Variants in EPHB2 observed in about 807,000 individuals in gnomAD.
The protein encoded by EPHB2 is ephrin type-B receptor 2.
In EPHB2, 18 loss-of-function variants were observed where a neutral mutation model predicts 96.4. The observed-to-expected ratio is 0.19, with a 90% CI of 0.13 to 0.28. EPHB2 has a LOEUF of 0.28. EPHB2 is among the 10% of genes least tolerant of loss of function. The pLI is 1.00. For synonymous variants in EPHB2, 506 were observed against 534.1 expected (o/e 0.95, Z 0.72); for missense variants, 989 against 1,355.4 (o/e 0.73, Z 4.25).
chr1:22,796,616 G>A (rs1018886291), intron 3 of EPHB2, among the ~76,000 whole-genome samples: 1 of 152,252 alleles, frequency 6.6e-6, no homozygotes, highest in East Asian at 1.9e-4. Flanking sequence ...CTTCACAGCT[G>A]TAAAAACTGA....
intron 3 of EPHB2, among the ~76,000 whole-genome samples, chr1:22,802,920 G>C (rs2148449978): frequency 6.6e-6 from 1 of 152,266 alleles, no homozygotes; most frequent in Middle Eastern, 3.4e-3. Context: ...CAGAGACAAG[G>C]AGCCCCTGGT....
chr1:22,831,353 TC>T (rs765680859), intron 3 of EPHB2, among the ~76,000 whole-genome samples: 2 of 151,830 alleles, frequency 1.3e-5, no homozygotes, highest in South Asian at 4.2e-4. Context: ...CCTTGCTACC[TC>T]CCCCCTTAGC....
chr1:22,913,757 A>T lies in EPHB2; in HGVS notation c.*187A>T, dbSNP rs76826147. On this transcript the variant is annotated 3_prime_UTR_variant, in exon 16 of 16. Transcript: ENST00000374630. The surrounding 1 kb of genome is among the most constrained non-coding windows in gnomAD (Gnocchi z 4.1). The stretch of plus-strand genomic sequence containing the variant: ...AACATGCAACTCAAACGACGGAAAA[A>T]AAAAGGGAATGGGAAAAAAGAAAAC... 3,478 of 1,606,538 alleles carry T rather than the reference A, an allele frequency of 2.2e-3. 72 individuals are homozygous for T. The African/African-American group carries it at 0.039, about 18-fold the overall frequency.
intron 5 of EPHB2, among the ~76,000 whole-genome samples, chr1:22,873,271 C>T (rs1557727069): frequency 1.3e-5 from 2 of 152,128 alleles, no homozygotes; most frequent in African/African-American, 2.4e-5. Flanking sequence ...GGTTTTGTCA[C>T]GTTTGGGGGT....
chr1:22,878,046 C>T (rs1638901540), intron 5 of EPHB2, among the ~76,000 whole-genome samples: 1 of 152,212 alleles, frequency 6.6e-6, no homozygotes, highest in Non-Finnish European at 1.5e-5. Flanking sequence ...AGGTGAAACT[C>T]CAGAGAGAGG....
chr1:22,785,169 G>A, intron 3 of EPHB2, 93 bp downstream of exon 3: 3 of 1,501,344 alleles, frequency 2.0e-6, no homozygotes, highest in East Asian at 2.4e-5. Flanking sequence ...GGCCTCTGAA[G>A]CTTAGAGCTG....
chr1:22,862,969 T>C, intron 3 of EPHB2, 68 bp from the exon 4 acceptor site: 1 of 1,606,656 alleles, frequency 6.2e-7, no homozygotes, highest in Non-Finnish European at 8.5e-7. Context: ...TCCGTGAGGC[T>C]GCGTGGCTCG....
chr1:22,882,221 C>A, intron 5 of EPHB2, 138 bp from the exon 6 acceptor site: 1 of 1,474,530 alleles, frequency 6.8e-7, no homozygotes, highest in Non-Finnish European at 9.2e-7. Context: ...CTCCCCGAGA[C>A]TGGCTCTGTG....
intron 14 of EPHB2, 67 bp downstream of exon 14, chr1:22,910,642 C>A (rs565787948): frequency 8.4e-6 from 13 of 1,547,224 alleles, no homozygotes; most frequent in Non-Finnish European, 1.1e-5. Flanking sequence ...ATCCCTTCTG[C>A]CCCCACTTCA....
chr1:22,913,535 G>A lies in EPHB2; in HGVS notation c.2926G>A (p.Ala976Thr), dbSNP rs763211060. Residue 976 changes from alanine (A) to threonine (T), a missense_variant, in exon 16 of 16, where the codon GCG becomes ACG. Ala to Thr is a moderately conservative substitution (Grantham distance 58). Transcript: ENST00000374630. The surrounding 1 kb of genome is among the most constrained non-coding windows in gnomAD (Gnocchi z 4.1). ...KILNSIQVMR[A>T]QMNQIQSVEV ...CCTGAACAGTATCCAGGTGATGCGGGCGCAGATGAACCAGATTCAGTCTGT... is the reference window on the plus strand; with the variant it reads ...CCTGAACAGTATCCAGGTGATGCGGACGCAGATGAACCAGATTCAGTCTGT... 16 of 1,614,050 alleles carry A rather than the reference G, an allele frequency of 9.9e-6. No homozygotes were observed. The South Asian group carries it at 1.3e-4, about 13-fold the overall frequency.
At chr1:22,747,787 G>A (rs1022079031) in intron 1 of EPHB2, among the ~76,000 whole-genome samples, 3 of 152,350 alleles carry the variant, frequency 2.0e-5, no homozygotes, top group African/African-American at 7.2e-5. Flanking sequence ...AGAACCCATC[G>A]TGCTGTAGAG....
chr1:22,819,969 C>G (rs1645130940), intron 3 of EPHB2, among the ~76,000 whole-genome samples: 1 of 152,078 alleles, frequency 6.6e-6, no homozygotes, highest in Non-Finnish European at 1.5e-5. Context: ...CATGTATCCT[C>G]CATGCTGAAG....
intron 3 of EPHB2, among the ~76,000 whole-genome samples, chr1:22,791,467 CTTTCTTTTTTT>C (rs1644691194): frequency 1.5e-5 from 2 of 129,092 alleles, no homozygotes; most frequent in African/African-American, 2.8e-5. Context: ...TTCTTTCTTT[CTTTCTTTTTTT>C]TTTTTTTTTT....
chr1:22,852,192 T>C (rs1288705153), intron 3 of EPHB2, among the ~76,000 whole-genome samples: 1 of 152,208 alleles, frequency 6.6e-6, no homozygotes, highest in Admixed American at 6.5e-5. Flanking sequence ...AGATTCTAGC[T>C]ACAGAGAAAG....
intron 1 of EPHB2, among the ~76,000 whole-genome samples, chr1:22,729,075 T>C (rs1643647721): frequency 6.6e-6 from 1 of 152,216 alleles, no homozygotes; most frequent in Admixed American, 6.5e-5. Flanking sequence ...CTCGGGGTAA[T>C]GCCTCCCAGT....
chr1:22,874,078 A>G (rs1256602662), intron 5 of EPHB2, among the ~76,000 whole-genome samples: 1 of 152,112 alleles, frequency 6.6e-6, no homozygotes, highest in Non-Finnish European at 1.5e-5. Flanking sequence ...TGAACCCTGA[A>G]CACCACCTTT....
chr1:22,874,556 C>A (rs1180538646), intron 5 of EPHB2, among the ~76,000 whole-genome samples: 4 of 152,192 alleles, frequency 2.6e-5, no homozygotes, highest in Admixed American at 2.6e-4. Flanking sequence ...GTCAGACAGA[C>A]CTGGGTCCCC....
chr1:22,858,357 G>A lies in EPHB2; in HGVS notation c.812-4680G>A, dbSNP rs184750933. 2.6e-4 allele frequency among the ~76,000 whole-genome samples: 39 copies of A among 152,278 alleles called. No homozygotes were observed. The East Asian group carries it at 3.9e-3, about 15-fold the overall frequency. On this transcript the variant is annotated intron_variant, in intron 3 of 15. Transcript: ENST00000374630. This position sits in a 1 kb window ranked among gnomAD's most constrained non-coding sequence, Gnocchi z 7.7. ...CACGAGGGAGTTTAGACAAGATGCC[G>A]CAGGTCTGATTCATTTTAAACAGAT... is the stretch of plus-strand genomic sequence containing the variant.
At chr1:22,855,575 A>T (rs1352597340) in intron 3 of EPHB2, among the ~76,000 whole-genome samples, 2 of 152,216 alleles carry the variant, frequency 1.3e-5, no homozygotes, top group African/African-American at 4.8e-5. Context: ...TGTCTCCCTA[A>T]CTAGACCTGA....
Sources: allele counts gnomAD v4.1 joint callset (sites outside exome capture counted in the v4.1 genomes callset), GRCh38; gene constraint gnomAD v4.1.1; non-coding constraint Gnocchi (gnomAD v3.1); transcripts MANE v1.5; gene names NCBI Gene and HGNC (gene_info 2026-07-23, HGNC 2026-07-21).